The following LARGE1 variants were observed in gnomAD, a reference collection of about 807,000 sequenced individuals.
LARGE1 encodes the protein LARGE xylosyl- and glucuronyltransferase 1, also known as xylosyl- and glucuronyltransferase LARGE1.
Under a neutral mutation model 87.6 loss-of-function variants are expected in LARGE1, and 43 were observed. The observed-to-expected ratio is 0.49, with a 90% CI of 0.38 to 0.63. The LOEUF is 0.63. LARGE1 is among the 30% of genes least tolerant of loss of function. LARGE1 has a pLI of 0.00. For synonymous variants in LARGE1, 434 were observed against 394.6 expected, an observed-to-expected ratio of 1.10 and a Z score of -1.18; for missense variants, 802 against 1,000.2, an observed-to-expected ratio of 0.80 and a Z score of 2.67.
chr22:33,370,436 G>T (rs1275065973), intron 9 of LARGE1, among the ~76,000 whole-genome samples: 1 of 152,074 alleles, frequency 6.6e-6, no homozygotes, highest in African/African-American at 2.4e-5. Flanking sequence ...GGTAAAAGAG[G>T]TTTTTTAAAA....
chr22:33,758,501 G>A (rs1312679733), intron 2 of LARGE1, among the ~76,000 whole-genome samples: 2 of 152,164 alleles, frequency 1.3e-5, no homozygotes, highest in Non-Finnish European at 2.9e-5. Flanking sequence ...AATGCAGCTC[G>A]TGATTTGGTC....
the LARGE1 span, among the ~76,000 whole-genome samples, chr22:33,099,426 T>C: frequency 6.6e-6 from 1 of 152,020 alleles, no homozygotes; most frequent in Non-Finnish European, 1.5e-5. Context: ...GCTAATTGTG[T>C]ATTTTTAGTA....
chr22:33,837,042 G>A (rs1443360814), intron 1 of LARGE1, among the ~76,000 whole-genome samples: 4 of 152,100 alleles, frequency 2.6e-5, no homozygotes, highest in African/African-American at 4.8e-5. Flanking sequence ...GGCAGCACAC[G>A]GGACCTCCAT....
chr22:33,697,017 C>G (rs573365975), intron 2 of LARGE1, among the ~76,000 whole-genome samples: 1 of 152,150 alleles, frequency 6.6e-6, no homozygotes, highest in South Asian at 2.1e-4. Context: ...ATTTTCCAAA[C>G]TCCTTTACAT....
At chr22:33,468,665 A>T (rs2068711641) in intron 6 of LARGE1, among the ~76,000 whole-genome samples, 1 of 152,184 alleles carries the variant, frequency 6.6e-6, no homozygotes, top group South Asian at 2.1e-4. Flanking sequence ...TGAGATACAT[A>T]TATTAATCCC....
At chr22:33,498,844 G>A (rs560075547) in intron 6 of LARGE1, among the ~76,000 whole-genome samples, 1 of 152,120 alleles carries the variant, frequency 6.6e-6, no homozygotes, top group African/African-American at 2.4e-5. Context: ...GGTGGCGGGG[G>A]ACCTGTAGTC....
intron 11 of LARGE1, among the ~76,000 whole-genome samples, chr22:33,226,873 G>T (rs1925765135): frequency 6.6e-6 from 1 of 152,066 alleles, no homozygotes; most frequent in East Asian, 1.9e-4. Flanking sequence ...GGGACTACAG[G>T]CGCCTGCCGC....
intron 2 of LARGE1, among the ~76,000 whole-genome samples, chr22:33,730,894 C>T (rs971918666): frequency 9.9e-5 from 15 of 151,978 alleles, no homozygotes; most frequent in Non-Finnish European, 1.9e-4. Flanking sequence ...AGGATTTCAC[C>T]ATGTTGGTCA....
At chr22:33,909,774 A>C (rs2065574503) in intron 1 of LARGE1, among the ~76,000 whole-genome samples, 1 of 151,878 alleles carries the variant, frequency 6.6e-6, no homozygotes, top group Admixed American at 6.6e-5. Context: ...TCCTGACCTC[A>C]TGATTCGCCC....
rs953059991 is a variant in LARGE1 at position 33,370,366 on chromosome 22, A to G, written c.1131+11553T>C. 3.3e-5 allele frequency among the ~76,000 whole-genome samples: 5 copies of G among 152,320 alleles called. No homozygotes were observed. In the East Asian group the frequency reaches 9.6e-4, roughly 29 times the overall value. On this transcript the variant is annotated intron_variant, in intron 9 of 14. Coordinates refer to ENST00000397394, the MANE Select transcript of LARGE1 (RefSeq NM_133642.5). ...CTGGAGATTTTGTTTTTCTTATACA[A>G]TTCGTCACTCCCAGCTAAAATGTAA... is the stretch of plus-strand genomic sequence containing the variant.
chr22:33,498,036 C>T (rs114862432), intron 6 of LARGE1, among the ~76,000 whole-genome samples: 3,922 of 152,182 alleles, frequency 0.026, 172 homozygotes, highest in African/African-American at 0.09. Flanking sequence ...ACGTGTAACA[C>T]CATGCTCAGC....
At chr22:33,705,339 T>C (rs1432919113) in intron 2 of LARGE1, among the ~76,000 whole-genome samples, 2 of 152,176 alleles carry the variant, frequency 1.3e-5, no homozygotes, top group Non-Finnish European at 2.9e-5. Context: ...TCCCTGAAAA[T>C]AAAAGCATTG....
At chr22:33,104,996 CTCTCTCTT>C in the LARGE1 span, among the ~76,000 whole-genome samples, 8 of 143,262 alleles carry the variant, frequency 5.6e-5, no homozygotes, top group East Asian at 7.3e-4. Context: ...TTCTTTCTCT[CTCTCTCTT>C]TCTTTCTTTT....
At chr22:33,811,402 A>G (rs559740081) in intron 1 of LARGE1, among the ~76,000 whole-genome samples, 1 of 152,266 alleles carries the variant, frequency 6.6e-6, no homozygotes, top group Non-Finnish European at 1.5e-5. Context: ...TTTCCACTAC[A>G]CTAAAGCCAG....
chr22:33,397,934 A>T (rs1044457440), intron 7 of LARGE1, among the ~76,000 whole-genome samples: 1 of 152,014 alleles, frequency 6.6e-6, no homozygotes, highest in African/African-American at 2.4e-5. Flanking sequence ...TTAATTGCCC[A>T]TTTTGTCCTC....
intron 1 of LARGE1, among the ~76,000 whole-genome samples, chr22:33,887,658 A>C (rs1170238379): frequency 6.6e-6 from 1 of 151,798 alleles, no homozygotes; most frequent in Non-Finnish European, 1.5e-5. Flanking sequence ...GAACTGCTTG[A>C]GCCTGGAGGT....
chr22:33,571,413 G>A (rs981441599), intron 5 of LARGE1, among the ~76,000 whole-genome samples: 4 of 152,180 alleles, frequency 2.6e-5, no homozygotes, highest in Non-Finnish European at 5.9e-5. Context: ...CATGGAGGCA[G>A]AGAGCTGGAC....
At chr22:33,539,584 C>A (rs1038809903) in intron 6 of LARGE1, among the ~76,000 whole-genome samples, 8 of 151,508 alleles carry the variant, frequency 5.3e-5, no homozygotes, top group Admixed American at 5.3e-4. Flanking sequence ...TAATTAAATC[C>A]TCCAAACTTT....
chr22:33,514,873 C>T (rs929267232), intron 6 of LARGE1, among the ~76,000 whole-genome samples: 1 of 152,124 alleles, frequency 6.6e-6, no homozygotes, highest in African/African-American at 2.4e-5. Context: ...AAGATAGTGA[C>T]CTAAGCTCAC....
Sources: allele counts gnomAD v4.1 joint callset (sites outside exome capture counted in the v4.1 genomes callset), GRCh38; gene constraint gnomAD v4.1.1; transcripts MANE v1.5; gene names NCBI Gene and HGNC (gene_info 2026-07-23, HGNC 2026-07-21).